Variants in GALNTL6 observed in about 807,000 individuals in gnomAD.
GALNTL6 encodes polypeptide N-acetylgalactosaminyltransferase-like 6.
A neutral mutation model predicts 73.7 loss-of-function variants in GALNTL6; 46 were observed. That is an observed-to-expected ratio of 0.62 (90% confidence interval 0.49 to 0.80). The LOEUF is 0.80. GALNTL6 is among the 30% of genes least tolerant of loss of function. The pLI is 0.00. For synonymous variants in GALNTL6, 259 were observed against 263.7 expected, an observed-to-expected ratio of 0.98 and a Z score of 0.17; for missense variants, 604 against 755.0, an observed-to-expected ratio of 0.80 and a Z score of 2.34.
intron 5 of GALNTL6, among the ~76,000 whole-genome samples, chr4:172,751,208 A>G (rs1312728086): frequency 6.6e-6 from 1 of 152,238 alleles, no homozygotes; most frequent in Non-Finnish European, 1.5e-5. Context: ...GTGAGAAAAC[A>G]TTACTAACAC....
At chr4:172,487,438 T>A (rs1421063016) in intron 5 of GALNTL6, among the ~76,000 whole-genome samples, 2 of 151,408 alleles carry the variant, frequency 1.3e-5, no homozygotes, top group Non-Finnish European at 2.9e-5. Context: ...CAGGCTGGAG[T>A]ACAGTGGTGT....
chr4:172,706,524 C>A (rs1025973362), intron 5 of GALNTL6, among the ~76,000 whole-genome samples: 2 of 151,958 alleles, frequency 1.3e-5, no homozygotes, highest in Non-Finnish European at 2.9e-5. Flanking sequence ...GGACTTATGT[C>A]TATGTCTTTG....
At chr4:172,301,548 T>A (rs527632412) in intron 3 of GALNTL6, among the ~76,000 whole-genome samples, 1 of 152,276 alleles carries the variant, frequency 6.6e-6, no homozygotes, top group Non-Finnish European at 1.5e-5. Flanking sequence ...GGGGTTTTGG[T>A]GTGGATGTCC....
chr4:172,389,488 C>T (rs1210448208), intron 5 of GALNTL6, among the ~76,000 whole-genome samples: 2 of 151,880 alleles, frequency 1.3e-5, no homozygotes, highest in Admixed American at 6.6e-5. Context: ...GAAATTAAGT[C>T]GTGAATGTAA....
chr4:172,735,090 G>A (rs990941385), intron 5 of GALNTL6, among the ~76,000 whole-genome samples: 15 of 152,104 alleles, frequency 9.9e-5, no homozygotes, highest in South Asian at 8.3e-4. Flanking sequence ...ACTGCCTAGC[G>A]GAGCTATGAG....
intron 10 of GALNTL6, among the ~76,000 whole-genome samples, chr4:172,962,876 A>C (rs1274934277): frequency 1.2e-4 from 18 of 152,106 alleles, no homozygotes. Context: ...GGATTACTGC[A>C]CTTGTCTCCT....
chr4:172,518,996 C>T (rs141471539), intron 5 of GALNTL6, among the ~76,000 whole-genome samples: 154 of 151,680 alleles, frequency 1.0e-3, no homozygotes, highest in African/African-American at 3.5e-3. Context: ...CACATAGTTA[C>T]GAAACTCAGT....
At chr4:172,429,521 A>C (rs1272115054) in intron 5 of GALNTL6, among the ~76,000 whole-genome samples, 1 of 152,154 alleles carries the variant, frequency 6.6e-6, no homozygotes, top group African/African-American at 2.4e-5. Context: ...CTTAAGAGTC[A>C]AAATTTTAAT....
chr4:172,483,032 G>A (rs1437534722), intron 5 of GALNTL6, among the ~76,000 whole-genome samples: 3 of 151,944 alleles, frequency 2.0e-5, no homozygotes, highest in Non-Finnish European at 2.9e-5. Flanking sequence ...AGCATTCAAA[G>A]GAGAGGACAA....
chr4:172,677,375 C>G (rs563482516), intron 5 of GALNTL6, among the ~76,000 whole-genome samples: 4 of 152,126 alleles, frequency 2.6e-5, no homozygotes, highest in Non-Finnish European at 5.9e-5. Flanking sequence ...CTACTTCTCT[C>G]GAAGCTGTCT....
chr4:172,917,057 C>T (rs1422040849), intron 8 of GALNTL6, among the ~76,000 whole-genome samples: 2 of 152,092 alleles, frequency 1.3e-5, no homozygotes, highest in African/African-American at 4.8e-5. Context: ...GAGATATAGA[C>T]CAATGGAATG....
At chr4:172,296,785 C>T (rs1739692721) in intron 3 of GALNTL6, among the ~76,000 whole-genome samples, 1 of 152,146 alleles carries the variant, frequency 6.6e-6, no homozygotes, top group Admixed American at 6.5e-5. Context: ...GTCTTGGTTC[C>T]AAGTCTTTGC....
Position 171,907,726 on chromosome 4 carries a change from A to T in GALNTL6, c.138+93008A>T, listed in dbSNP as rs1008991433. Reference sequence around the variant, plus strand: ...AAAAGAACAAAGCCAGAGGCATCACACTACCTGACTTCAAACTATACTACA... The same window carrying T: ...AAAAGAACAAAGCCAGAGGCATCACTCTACCTGACTTCAAACTATACTACA... On this transcript the variant is annotated intron_variant, in intron 2 of 12. Transcript: ENST00000506823. 2.0e-5 allele frequency among the ~76,000 whole-genome samples: 3 copies of T among 151,236 alleles called. No individual in the cohort carries two copies. The South Asian group carries it at 6.2e-4, about 31-fold the overall frequency.
chr4:172,689,401 A>T (rs886958083), intron 5 of GALNTL6, among the ~76,000 whole-genome samples: 1 of 152,226 alleles, frequency 6.6e-6, no homozygotes, highest in Admixed American at 6.5e-5. Context: ...GCCCAACTAC[A>T]TCAGAGGATT....
intron 2 of GALNTL6, among the ~76,000 whole-genome samples, chr4:171,981,365 C>G (rs918593154): frequency 6.6e-6 from 1 of 152,144 alleles, no homozygotes; most frequent in African/African-American, 2.4e-5. Context: ...GCATTTGTCT[C>G]AGGTGAGCAG....
At chr4:171,914,346 G>GA (rs1452419549) in intron 2 of GALNTL6, among the ~76,000 whole-genome samples, 1 of 148,386 alleles carries the variant, frequency 6.7e-6, no homozygotes, top group East Asian at 2.0e-4. Flanking sequence ...AACAAGAAAG[G>GA]AAAAACAAAA....
At chr4:172,370,915 G>A (rs1393901491) in intron 5 of GALNTL6, among the ~76,000 whole-genome samples, 2 of 152,182 alleles carry the variant, frequency 1.3e-5, no homozygotes, top group East Asian at 3.9e-4. Context: ...AGAGTGTGTG[G>A]TAGTAGGATA....
intron 5 of GALNTL6, among the ~76,000 whole-genome samples, chr4:172,496,272 A>C (rs1376395845): frequency 6.6e-6 from 1 of 152,252 alleles, no homozygotes; most frequent in Non-Finnish European, 1.5e-5. Context: ...AGGTCCATAG[A>C]ATGTACTACA....
intron 2 of GALNTL6, among the ~76,000 whole-genome samples, chr4:171,981,519 T>C (rs1279347771): frequency 6.6e-6 from 1 of 152,224 alleles, no homozygotes; most frequent in Non-Finnish European, 1.5e-5. Flanking sequence ...ATGGAGCTTT[T>C]TTTATCTTTG....
Sources: allele counts gnomAD v4.1 joint callset (sites outside exome capture counted in the v4.1 genomes callset), GRCh38; gene constraint gnomAD v4.1.1; transcripts MANE v1.5; gene names NCBI Gene and HGNC (gene_info 2026-07-23, HGNC 2026-07-21).